The following IKBKG variants were observed in gnomAD, a reference collection of about 807,000 sequenced individuals.
The protein encoded by IKBKG is NF-kappa-B essential modulator.
Under a neutral mutation model 13.7 loss-of-function variants are expected in IKBKG, and 2 were observed. The observed-to-expected ratio is 0.15, with a 90% CI of 0.06 to 0.46. IKBKG has a LOEUF of 0.46. Among genes scored for constraint, IKBKG ranks in the 20% least tolerant of loss-of-function variants. The pLI, the probability that IKBKG is intolerant of heterozygous loss-of-function variation, is 0.98. For synonymous variants in IKBKG, 22 were observed against 64.4 expected (o/e 0.34, Z 3.15); for missense variants, 53 against 150.3 (o/e 0.35, Z 3.39).
In IKBKG at chrX:154,552,204, A is replaced by G. The variant is rs2070952825; in HGVS notation, c.187+15A>G. 1 of 1,172,963 alleles carries G rather than the reference A, an allele frequency of 8.5e-7. No homozygotes were observed. On this transcript the variant is annotated intron_variant, in intron 2 of 9. Transcript: ENST00000594239. ...AGAGCTCCGAGGTGAGGAAAGAGTC[A>G]GGGGATCCAGCCCTGCTGAGGGGAA...
chrX:154,555,934 T>C (rs1379852091), intron 2 of IKBKG, among the ~76,000 whole-genome samples: 2 of 112,905 alleles, frequency 1.8e-5, no homozygotes, highest in Non-Finnish European at 3.8e-5. Flanking sequence ...TTGCAGAAAG[T>C]GAGGGGCATT....
upstream of IKBKG, chrX:154,547,413 GA>G (rs1479786617): frequency 2.6e-4 from 197 of 754,455 alleles, no homozygotes; most frequent in African/African-American, 4.2e-3. Context: ...TCCGAGAGAC[GA>G]GGGGGCGTGT....
chrX:154,546,673 C>T (rs1192071593), upstream of IKBKG: 16 of 611,795 alleles, frequency 2.6e-5, no homozygotes, highest in Non-Finnish European at 4.0e-5. Context: ...TTGGTTAAGA[C>T]CCTCTCGATT....
chrX:154,546,122 C>T (rs797043472), upstream of IKBKG: 2 of 1,210,592 alleles, frequency 1.7e-6, no homozygotes, highest in Non-Finnish European at 2.2e-6. Context: ...ATCCCGCACA[C>T]CTGGGTCCGG....
chrX:154,548,539 G>C (rs1352035890), intron 1 of IKBKG, among the ~76,000 whole-genome samples: 1 of 112,417 alleles, frequency 8.9e-6, no homozygotes, highest in Non-Finnish European at 1.9e-5. Flanking sequence ...TACGAAAGTA[G>C]AAAAATGAGT....
At chrX:154,546,295 G>A, upstream of IKBKG, 6 of 892,562 alleles carry the variant, frequency 6.7e-6, no homozygotes, top group South Asian at 8.3e-5. Flanking sequence ...CCTTGTGAAC[G>A]GCTGGGCATT....
intron 1 of IKBKG, among the ~76,000 whole-genome samples, chrX:154,549,911 C>G (rs899307554): frequency 3.6e-5 from 4 of 112,068 alleles, no homozygotes; most frequent in Non-Finnish European, 7.5e-5. Flanking sequence ...TGTGGATGTA[C>G]TAGATTTTGT....
chrX:154,548,045 T>C (rs1343979320), intron 1 of IKBKG: 3 of 753,771 alleles, frequency 4.0e-6, no homozygotes, highest in Admixed American at 1.7e-4. Context: ...TCTATCGAGG[T>C]CGTTAAATTC....
upstream of IKBKG, among the ~76,000 whole-genome samples, chrX:154,545,489 G>A (rs1603414843): frequency 1.8e-5 from 2 of 111,512 alleles, no homozygotes; most frequent in East Asian, 5.6e-4. Flanking sequence ...TCCCTAAAGA[G>A]CCTGCAACTC....
chrX:154,542,397 G>A (rs1557232173), upstream of IKBKG: 1 of 1,205,950 alleles, frequency 8.3e-7, no homozygotes, highest in Non-Finnish European at 1.1e-6. Flanking sequence ...GGTGGGGAAA[G>A]ATGCTGTTCC....
chrX:154,550,233 CTT>C (rs2070889611), intron 1 of IKBKG, among the ~76,000 whole-genome samples: 3 of 101,055 alleles, frequency 3.0e-5, no homozygotes, highest in African/African-American at 7.5e-5. Context: ...TAGATGTGCT[CTT>C]GTGTGTGTGT....
At chrX:154,548,396 G>A (rs1450863784) in intron 1 of IKBKG, among the ~76,000 whole-genome samples, 1 of 112,235 alleles carries the variant, frequency 8.9e-6, no homozygotes, top group African/African-American at 3.2e-5. Context: ...TACACTGATC[G>A]TTCTAGCAGT....
intron 1 of IKBKG, among the ~76,000 whole-genome samples, chrX:154,548,891 C>G (rs1397527698): frequency 9.0e-6 from 1 of 111,134 alleles, no homozygotes; most frequent in Non-Finnish European, 1.9e-5. Context: ...ACATTCACAG[C>G]TACCAACTTC....
intron 1 of IKBKG, among the ~76,000 whole-genome samples, chrX:154,549,890 A>G (rs2148363981): frequency 8.9e-6 from 1 of 112,125 alleles, no homozygotes; most frequent in South Asian, 3.7e-4. Context: ...AGATTTGTTC[A>G]TGTTATAGCA....
At position 154,552,013 on chromosome X, in the gene IKBKG, A is replaced by T; in HGVS notation, c.11A>T (p.His4Leu). The T allele has an allele frequency of 9.2e-7, 1 of 1,089,033 alleles. No homozygotes were observed. The highest frequency in any genetic ancestry group is 1.2e-6 in the Non-Finnish European group (1 of 827,669). The allele number at this position is 1,089,033 out of a possible 1,213,427, so 89.7% of individuals were successfully genotyped here. A position where few individuals can be genotyped will look rare whatever the true frequency, so the allele number is the denominator to read the frequency against. The change falls in exon 2 of 10, where the codon CAC becomes CTC. Residue 4 changes from histidine to leucine, a missense_variant. By Grantham distance (99) the His-to-Leu change is moderately conservative (BLOSUM62 -3). Coordinates refer to ENST00000594239, the MANE Select transcript of IKBKG (RefSeq NM_001099857.5). MNR[H>L]LWKSQLCEMV... is the part of the protein sequence containing the mutation. Reference sequence around the variant, plus strand: ...CCCTTGCCCTGTTGGATGAATAGGCACCTCTGGAAGAGCCAACTGTGTGAG... The same window carrying T: ...CCCTTGCCCTGTTGGATGAATAGGCTCCTCTGGAAGAGCCAACTGTGTGAG...
At chrX:154,546,617 T>A (rs1557233402), upstream of IKBKG, among the ~76,000 whole-genome samples, 1 of 111,215 alleles carries the variant, frequency 9.0e-6, no homozygotes, top group Non-Finnish European at 1.9e-5. Context: ...CCCTTCGCTC[T>A]CGGGGTCTCA....
upstream of IKBKG, among the ~76,000 whole-genome samples, chrX:154,543,781 C>T (rs1557232530): frequency 4.5e-5 from 5 of 110,114 alleles, no homozygotes; most frequent in Non-Finnish European, 9.5e-5. Context: ...GCAACCTCCA[C>T]CTCCTGGGTT....
At chrX:154,549,025 C>T (rs2070847709) in intron 1 of IKBKG, among the ~76,000 whole-genome samples, 1 of 99,692 alleles carries the variant, frequency 1.0e-5, no homozygotes, top group South Asian at 4.9e-4. Flanking sequence ...CAGAATCTCG[C>T]TCTGTCACCA....
chrX:154,542,708 G>C (rs1427507269), upstream of IKBKG, among the ~76,000 whole-genome samples: 1 of 112,102 alleles, frequency 8.9e-6, no homozygotes, highest in African/African-American at 3.2e-5. Flanking sequence ...AGGTCATGCT[G>C]AGCTTGTTCC....
Sources: gnomAD v4.1 joint callset for allele counts (sites outside exome capture counted in the v4.1 genomes callset) on GRCh38, gnomAD v4.1.1 for gene constraint, MANE v1.5 for transcripts, NCBI Gene and HGNC (gene_info 2026-07-23, HGNC 2026-07-21) for gene names.